The following FCGR2A variants were observed in gnomAD, a reference collection of about 807,000 sequenced individuals.
FCGR2A encodes the protein Fc gamma receptor IIa.
In FCGR2A, 18 loss-of-function variants were observed where a neutral mutation model predicts 29.3. That is an observed-to-expected ratio of 0.62 (90% CI 0.43 to 0.91). The LOEUF is 0.91. Ranked by LOEUF, FCGR2A falls within the 40% of genes least tolerant of loss-of-function variation. The pLI, the probability that FCGR2A is intolerant of heterozygous loss-of-function variation, is 0.00. For missense variants in FCGR2A, 287 were observed against 393.0 expected (o/e 0.73, Z 2.28); for synonymous variants, 126 against 144.8 (o/e 0.87, Z 0.93).
At position 161,517,284 on chromosome 1, in the gene FCGR2A, C is replaced by A. The variant is rs551438989; in HGVS notation, c.781-691C>A. Among the ~76,000 whole-genome samples the A allele has an allele frequency of 2.0e-5, 3 of 152,190 alleles. No homozygotes were observed. In the East Asian group the frequency reaches 5.8e-4, roughly 29 times the overall value. On this transcript the variant is annotated intron_variant, in intron 6 of 6. Coordinates refer to ENST00000271450, the MANE Select transcript of FCGR2A (RefSeq NM_001136219.3). ...TAACAAGGAGGAGCTTGTGTTCCTA[C>A]TGATGTCAAAAGAAATGGTTGAAGA...
At chr1:161,511,056 A>G in intron 5 of FCGR2A, 100 bp downstream of exon 5, 1 of 1,552,818 alleles carries the variant, frequency 6.4e-7, no homozygotes, top group South Asian at 1.1e-5. Flanking sequence ...CTAGATATGC[A>G]TTCCGATCTA....
At chr1:161,511,602 G>A (rs1326087690) in intron 5 of FCGR2A, among the ~76,000 whole-genome samples, 12 of 152,186 alleles carry the variant, frequency 7.9e-5, no homozygotes, top group Non-Finnish European at 1.6e-4. Context: ...CCCTTTTCCA[G>A]GTGGGAGCAG....
At chr1:161,509,383 G>C (rs972059006) in intron 3 of FCGR2A, among the ~76,000 whole-genome samples, 15 of 151,978 alleles carry the variant, frequency 9.9e-5, no homozygotes, top group African/African-American at 2.9e-4. Flanking sequence ...TGGAAAAAAG[G>C]GGGGAAGAAG....
intron 6 of FCGR2A, among the ~76,000 whole-genome samples, chr1:161,517,476 G>T (rs1280589597): frequency 4.6e-5 from 7 of 152,246 alleles, no homozygotes; most frequent in Admixed American, 2.6e-4. Context: ...TTTAAAACTG[G>T]TTAAAGTTGC....
At chr1:161,507,237 T>C (rs1032582757) in intron 3 of FCGR2A, among the ~76,000 whole-genome samples, 6 of 152,222 alleles carry the variant, frequency 3.9e-5, no homozygotes, top group South Asian at 2.1e-4. Flanking sequence ...TCTTTTTTTT[T>C]TCCCCCAAGT....
intron 1 of FCGR2A, 107 bp from the exon 2 acceptor site, chr1:161,505,880 T>C: frequency 3.7e-6 from 4 of 1,069,548 alleles, no homozygotes; most frequent in Non-Finnish European, 5.9e-6. Flanking sequence ...AGATGGGTCC[T>C]GGAGAAGGAA....
chr1:161,520,889 C>G (rs1676427253), downstream of FCGR2A, among the ~76,000 whole-genome samples: 1 of 151,854 alleles, frequency 6.6e-6, no homozygotes, highest in South Asian at 2.1e-4. Context: ...GCTCTTCACT[C>G]TCTCTGACCT....
intron 3 of FCGR2A, among the ~76,000 whole-genome samples, chr1:161,508,120 C>G (rs1675536988): frequency 7.1e-6 from 1 of 140,228 alleles, no homozygotes; most frequent in Non-Finnish European, 1.5e-5. Flanking sequence ...AAATTGAGAT[C>G]TGAAGCATTG....
rs1272462427 is a variant in FCGR2A at position 161,518,595 on chromosome 1, G to A, written c.*447G>A. 1.2e-5 allele frequency: 2 copies of A among 169,970 alleles called. No individual in the cohort carries two copies. The highest frequency in any genetic ancestry group is 5.7e-5 in the Admixed American group (1 of 17,648). 10.5% of individuals were successfully genotyped at this position (169,970 alleles called of 1,614,324 possible). A position where few individuals can be genotyped will look rare whatever the true frequency, so the allele number is the denominator to read the frequency against. ...TGGAACACTAAACTTCATGAATTGC[G>A]CCTCAGATTTTTCCTTTAACATCTT... is the stretch of plus-strand genomic sequence containing the variant. On this transcript the variant is annotated 3_prime_UTR_variant, in exon 7 of 7. Coordinates refer to ENST00000271450, the MANE Select transcript of FCGR2A (RefSeq NM_001136219.3).
At chr1:161,520,998 T>C (rs553555321), downstream of FCGR2A, among the ~76,000 whole-genome samples, 981 of 150,942 alleles carry the variant, frequency 6.5e-3, 15 homozygotes, top group African/African-American at 0.023. Flanking sequence ...ATTTCCTGTT[T>C]CTGGAATGTT....
chr1:161,513,694 A>C (rs373579), intron 5 of FCGR2A, among the ~76,000 whole-genome samples: 6 of 150,984 alleles, frequency 4.0e-5, no homozygotes, highest in Non-Finnish European at 8.9e-5. Context: ...AGTGTGGCCC[A>C]TGGGGAAGGC....
chr1:161,523,882 T>G (rs908862436), downstream of FCGR2A: 1 of 151,994 alleles, frequency 6.6e-6, no homozygotes, highest in Admixed American at 6.6e-5. Context: ...GCCTCCCGCG[T>G]GGCAGGCGAG....
In FCGR2A at chr1:161,507,480, G is replaced by T. The variant is rs529793769; in HGVS notation, c.364+889G>T. Among the ~76,000 whole-genome samples the T allele has an allele frequency of 4.8e-4, 73 of 152,288 alleles. 1 individual carries two copies. The highest frequency in any genetic ancestry group is 9.4e-4 in the Non-Finnish European group (64 of 68,022). On this transcript the variant is annotated intron_variant, in intron 3 of 6. Coordinates refer to ENST00000271450, the MANE Select transcript of FCGR2A (RefSeq NM_001136219.3). The stretch of plus-strand genomic sequence containing the variant: ...AAAATATAAGCACATTTCTATTGTT[G>T]TTTACTTGAGCTGCACTCTTGGTGC...
At chr1:161,506,727 C>G in intron 3 of FCGR2A, 136 bp downstream of exon 3, 1 of 1,436,924 alleles carries the variant, frequency 7.0e-7, no homozygotes, top group South Asian at 1.4e-5. Context: ...TCATTCATTC[C>G]CCATTTCACC....
rs770453527 is a variant in FCGR2A at position 161,509,967 on chromosome 1, C to T, written c.512C>T (p.Thr171Ile). The change falls in exon 4 of 7, where the codon ACC becomes ATC. Residue 171 changes from threonine (T) to isoleucine (I), a missense_variant. By Grantham distance (89) the Thr-to-Ile change is moderately conservative. Transcript: ENST00000271450. ...KSQKFSHLDP[T>I]FSIPQANHSH... ...CAGAAATTCTCCCATTTGGATCCCA[C>T]CTTCTCCATCCCACAAGCAAACCAC... 6.2e-7 allele frequency: 1 copy of T among 1,613,850 alleles called. No homozygotes were observed. The highest frequency in any genetic ancestry group is 8.5e-7 in the Non-Finnish European group (1 of 1,179,866).
At position 161,506,447 on chromosome 1, in the gene FCGR2A, C is replaced by T. The variant is rs867685604; in HGVS notation, c.220C>T (p.Gln74Ter). 1 of 1,614,222 alleles carries T rather than the reference C, an allele frequency of 6.2e-7. No homozygotes were observed. The highest frequency in any genetic ancestry group is 8.5e-7 in the Non-Finnish European group (1 of 1,180,024). ...TCGCAGCCCTGAGAGCGACTCCATT[C>T]AGTGGTTCCACAATGGGAATCTCAT... ...GARSPESDSI[Q>*]WFHNGNLIPT... is the part of the protein sequence containing the mutation. Residue 74 changes from glutamine to a stop codon, truncating the protein, a stop_gained, in exon 3 of 7, where the codon CAG becomes TAG. Coordinates refer to ENST00000271450, the MANE Select transcript of FCGR2A (RefSeq NM_001136219.3). LOFTEE classifies it high-confidence loss of function.
chr1:161,517,640 C>T (rs1676225098), intron 6 of FCGR2A, among the ~76,000 whole-genome samples: 2 of 152,026 alleles, frequency 1.3e-5, no homozygotes, highest in Admixed American at 1.3e-4. Flanking sequence ...TTTCCAAAGG[C>T]CAGATAAGAA....
chr1:161,523,839 A>AG (rs913404417), downstream of FCGR2A: 4 of 151,882 alleles, frequency 2.6e-5, no homozygotes, highest in Non-Finnish European at 5.9e-5. Context: ...ATCGGAAAAA[A>AG]ATGAAAGTGC....
chr1:161,506,088 G>A, intron 2 of FCGR2A, 81 bp downstream of exon 2: 1 of 1,443,564 alleles, frequency 6.9e-7, no homozygotes, highest in Non-Finnish European at 9.8e-7. Flanking sequence ...GCGGCGGGGG[G>A]GTATGTCTAT....
Sources: allele counts gnomAD v4.1 joint callset (sites outside exome capture counted in the v4.1 genomes callset), GRCh38; gene constraint gnomAD v4.1.1; transcripts MANE v1.5; gene names NCBI Gene and HGNC (gene_info 2026-07-23, HGNC 2026-07-21).